PPARGC1A: variants seen among roughly 807,000 people sequenced by gnomAD.
PPARGC1A encodes the protein peroxisome proliferator-activated receptor gamma coactivator 1-alpha.
In PPARGC1A, 25 loss-of-function variants were observed where a neutral mutation model predicts 88.7. That is an observed-to-expected ratio of 0.28 (90% CI 0.21 to 0.39). The LOEUF is 0.39. Ranked by LOEUF, PPARGC1A falls within the 10% of genes least tolerant of loss-of-function variation. The pLI is 1.00. For synonymous variants in PPARGC1A, 363 were observed against 355.6 expected (o/e 1.02, Z -0.24); for missense variants, 880 against 968.7 (o/e 0.91, Z 1.22).
At chr4:24,368,031 T>C in the PPARGC1A span, among the ~76,000 whole-genome samples, 1 of 152,202 alleles carries the variant, frequency 6.6e-6, no homozygotes, top group African/African-American at 2.4e-5. Flanking sequence ...AAGGAAAAGA[T>C]ATCAACATTA....
chr4:24,455,100 A>G, the PPARGC1A span, among the ~76,000 whole-genome samples: 2 of 152,212 alleles, frequency 1.3e-5, no homozygotes, highest in Non-Finnish European at 2.9e-5. Context: ...TAGGGCTGAT[A>G]AGAGTCCCAA....
chr4:24,026,698 C>A, the PPARGC1A span, among the ~76,000 whole-genome samples: 1 of 152,122 alleles, frequency 6.6e-6, no homozygotes, highest in East Asian at 1.9e-4. Flanking sequence ...ATCCATCCAC[C>A]ACTCTGAACC....
At chr4:23,796,039 A>G (rs1054620235) in intron 12 of PPARGC1A, 114 bp from the exon 13 acceptor site, 5 of 749,254 alleles carry the variant, frequency 6.7e-6, no homozygotes, top group Non-Finnish European at 1.1e-5. Flanking sequence ...AATATACTTT[A>G]GAAAACAATA....
chr4:23,927,476 T>C, the PPARGC1A span, among the ~76,000 whole-genome samples: 2 of 152,192 alleles, frequency 1.3e-5, no homozygotes, highest in African/African-American at 4.8e-5. Flanking sequence ...ATTTTGCAGT[T>C]AGGAGAGAGG....
the PPARGC1A span, among the ~76,000 whole-genome samples, chr4:24,195,681 A>C: frequency 6.7e-3 from 1,017 of 152,302 alleles, 8 homozygotes; most frequent in African/African-American, 0.022. Flanking sequence ...GATATTGTCA[A>C]GCTTTTTTCT....
chr4:24,320,235 T>C, the PPARGC1A span, among the ~76,000 whole-genome samples: 1 of 152,244 alleles, frequency 6.6e-6, no homozygotes, highest in Admixed American at 6.5e-5. Context: ...GTTTAAGCAA[T>C]GTTTTCTAAA....
At chr4:23,967,707 T>C in the PPARGC1A span, among the ~76,000 whole-genome samples, 24 of 152,306 alleles carry the variant, frequency 1.6e-4, no homozygotes, top group African/African-American at 5.8e-4. Context: ...TCTTTTCCTT[T>C]CTTTCTTCTC....
chr4:24,018,947 G>A, the PPARGC1A span, among the ~76,000 whole-genome samples: 1 of 152,120 alleles, frequency 6.6e-6, no homozygotes, highest in African/African-American at 2.4e-5. Context: ...CCATATACCA[G>A]GGATACACCT....
chr4:23,890,871 G>A (rs1173553804), upstream of PPARGC1A, among the ~76,000 whole-genome samples: 1 of 152,046 alleles, frequency 6.6e-6, no homozygotes, highest in Non-Finnish European at 1.5e-5. Flanking sequence ...CTGCTGCTCT[G>A]CTCAGATCAG....
intron 5 of PPARGC1A, chr4:23,825,279 T>C (rs1304494707): frequency 6.6e-6 from 1 of 152,056 alleles, no homozygotes; most frequent in Non-Finnish European, 1.5e-5. Flanking sequence ...GAGGGGAAAA[T>C]ATGATGAGAG....
the PPARGC1A span, among the ~76,000 whole-genome samples, chr4:24,192,297 C>T: frequency 6.6e-6 from 1 of 152,090 alleles, no homozygotes; most frequent in Non-Finnish European, 1.5e-5. Context: ...TGTAACAATC[C>T]CTTTCTCAAG....
chr4:24,471,518 T>TTC, the PPARGC1A span, among the ~76,000 whole-genome samples: 1 of 152,090 alleles, frequency 6.6e-6, no homozygotes, highest in East Asian at 1.9e-4. This position sits in a 1 kb window ranked among gnomAD's most constrained non-coding sequence, Gnocchi z 5.4. Flanking sequence ...CTCTCTCTAT[T>TTC]TCTCGCTCCA....
the PPARGC1A span, among the ~76,000 whole-genome samples, chr4:24,188,296 C>T: frequency 0.017 from 2,536 of 152,122 alleles, 73 homozygotes; most frequent in East Asian, 0.097. Context: ...TCCTAATAAC[C>T]GGTGCAGTAG....
chr4:24,021,457 T>C, the PPARGC1A span, among the ~76,000 whole-genome samples: 1 of 152,118 alleles, frequency 6.6e-6, no homozygotes, highest in Admixed American at 6.5e-5. Context: ...AGGTACCAAG[T>C]AACAACCAAA....
At chr4:24,064,854 C>G in the PPARGC1A span, among the ~76,000 whole-genome samples, 2 of 152,272 alleles carry the variant, frequency 1.3e-5, no homozygotes, top group Admixed American at 1.3e-4. Context: ...TTTCTAATCA[C>G]TCCCCTCAAG....
chr4:23,807,229 TATAC>T (rs1484376849), intron 10 of PPARGC1A, among the ~76,000 whole-genome samples: 1 of 152,124 alleles, frequency 6.6e-6, no homozygotes, highest in Non-Finnish European at 1.5e-5. Flanking sequence ...GATAGAAAGA[TATAC>T]CAAGATTCTA....
chr4:24,346,453 C>T, the PPARGC1A span, among the ~76,000 whole-genome samples: 12 of 152,018 alleles, frequency 7.9e-5, no homozygotes, highest in Admixed American at 7.2e-4. Flanking sequence ...GTTTCAATCT[C>T]GCTGCTTGTT....
At chr4:24,330,209 C>T in the PPARGC1A span, among the ~76,000 whole-genome samples, 2 of 152,128 alleles carry the variant, frequency 1.3e-5, no homozygotes, top group Admixed American at 1.3e-4. Context: ...TTGTCCCCTC[C>T]CCTTGAATCT....
Position 23,828,428 on chromosome 4 carries a change from G to A in PPARGC1A, c.729C>T (p.His243=), listed in dbSNP as rs760705000. ...GTAAGTGTTGTGACTGCGACTGTGT[G>A]TGGGACTTCTTTTTGGAGGTGCATT... The part of the protein sequence containing the change: ...RDKCTSKKKS[H]TQSQSQHLQA... Residue 243 remains histidine (H), a synonymous_variant, in exon 5 of 13, where the codon CAC becomes CAT. Coordinates refer to ENST00000264867, the MANE Select transcript of PPARGC1A (RefSeq NM_013261.5). 2 of 1,613,876 alleles carry A rather than the reference G, an allele frequency of 1.2e-6. No homozygotes were observed. The highest frequency in any genetic ancestry group is 1.7e-5 in the Admixed American group (1 of 59,990).
Sources: gnomAD v4.1 joint callset for allele counts (sites outside exome capture counted in the v4.1 genomes callset) on GRCh38, gnomAD v4.1.1 for gene constraint, Gnocchi (gnomAD v3.1) non-coding constraint, MANE v1.5 for transcripts, NCBI Gene and HGNC (gene_info 2026-07-23, HGNC 2026-07-21) for gene names.